Variants in SBF2 observed in about 807,000 individuals in gnomAD.
SBF2 encodes the protein SET binding factor 2, also known as myotubularin-related protein 13.
SBF2 carries 112 observed loss-of-function variants against 225.2 expected under a neutral mutation model. The observed-to-expected ratio is 0.50, with a 90% confidence interval of 0.43 to 0.58. SBF2 has a LOEUF of 0.58. Ranked by LOEUF, SBF2 falls within the 20% of genes least tolerant of loss-of-function variation. The pLI, the probability that SBF2 is intolerant of heterozygous loss-of-function variation, is 0.00. For missense variants in SBF2, 1,996 were observed against 2,206.2 expected (o/e 0.90, Z 1.91); for synonymous variants, 763 against 773.3 (o/e 0.99, Z 0.22).
Position 10,272,229 on chromosome 11 carries a change from G to A in SBF2, c.55+21786C>T, listed in dbSNP as rs1296997781. On this transcript the variant is annotated intron_variant, in intron 1 of 39. Coordinates refer to ENST00000256190, the MANE Select transcript of SBF2 (RefSeq NM_030962.4). ...AACTTGAGCTGCTCTACCAAGAGCT[G>A]CAGGGCGCTCGCGCTAGCCCCGGAG... is the stretch of plus-strand genomic sequence containing the variant. 4.2e-5 allele frequency: 48 copies of A among 1,143,518 alleles called. 15 individuals carry two copies. The highest frequency in any genetic ancestry group is 5.4e-5 in the Non-Finnish European group (44 of 816,508). 70.8% of individuals were successfully genotyped at this position (1,143,518 alleles called of 1,614,324 possible).
At chr11:10,004,275 C>T (rs1189340622) in intron 6 of SBF2, among the ~76,000 whole-genome samples, 1 of 151,882 alleles carries the variant, frequency 6.6e-6, no homozygotes, top group Non-Finnish European at 1.5e-5. Context: ...AGAATAAATG[C>T]TACAAATTTT....
chr11:9,846,140 G>C (rs1344943872), intron 23 of SBF2, among the ~76,000 whole-genome samples: 1 of 152,194 alleles, frequency 6.6e-6, no homozygotes, highest in African/African-American at 2.4e-5. Flanking sequence ...ATCCTAATCA[G>C]TACAGCTAGG....
chr11:9,963,845 A>G lies in SBF2; in HGVS notation c.1638T>C (p.Ser546=), dbSNP rs755834085. ...IMDKVTTVFN[S]AQRLEVVRNC... is the part of the protein sequence containing the mutation. The stretch of plus-strand genomic sequence containing the variant: ...TTCTGACAACTTCTAGTCTTTGTGC[A>G]CTGTTGAAAACTGTCGTCACCTTGT... Residue 546 remains serine, a synonymous_variant, in exon 15 of 40, where the codon AGT becomes AGC. Coordinates refer to ENST00000256190, the MANE Select transcript of SBF2 (RefSeq NM_030962.4). 2 of 1,609,562 alleles carry G rather than the reference A, an allele frequency of 1.2e-6. No individual in the cohort carries two copies. The highest frequency in any genetic ancestry group is 3.3e-5 in the Admixed American group (2 of 59,972).
At chr11:9,791,982 C>T (rs906313490) in intron 33 of SBF2, among the ~76,000 whole-genome samples, 2 of 152,156 alleles carry the variant, frequency 1.3e-5, no homozygotes, top group Non-Finnish European at 1.5e-5. Flanking sequence ...AACATGTACA[C>T]ATATAAGGAA....
chr11:9,788,082 G>A (rs1042933069), intron 35 of SBF2: 11 of 348,638 alleles, frequency 3.2e-5, no homozygotes, highest in African/African-American at 1.3e-4. Context: ...GCACTGGCCC[G>A]TGGCCCAGCC....
At chr11:9,814,837 A>G (rs550289447) in intron 29 of SBF2, among the ~76,000 whole-genome samples, 1 of 152,340 alleles carries the variant, frequency 6.6e-6, no homozygotes, top group Admixed American at 6.5e-5. Context: ...GAGACACTCC[A>G]TTAGGTTGTA....
intron 2 of SBF2, among the ~76,000 whole-genome samples, chr11:10,174,917 C>G (rs1956385333): frequency 1.3e-5 from 2 of 150,768 alleles, no homozygotes; most frequent in South Asian, 4.2e-4. Flanking sequence ...AACTAAACTT[C>G]ATAAGTGAAG....
rs545515050 is a variant in SBF2, at chr11:9,815,317, G to A, written c.3978+1523C>T. On this transcript the variant is annotated intron_variant, in intron 29 of 39. Coordinates refer to ENST00000256190, the MANE Select transcript of SBF2 (RefSeq NM_030962.4). The stretch of plus-strand genomic sequence containing the variant: ...AAAAAAAAAAAAAAAAAAGCTGGGC[G>A]TGGTGACGCGTGCCTGTAATCTCAG... Among the ~76,000 whole-genome samples the A allele has an allele frequency of 1.3e-3, 188 of 148,802 alleles. 1 individual carries two copies. The highest frequency in any genetic ancestry group is 4.4e-3 in the African/African-American group (177 of 40,632).
At chr11:9,966,531 A>G (rs982343430) in intron 14 of SBF2, among the ~76,000 whole-genome samples, 3 of 152,260 alleles carry the variant, frequency 2.0e-5, no homozygotes, top group African/African-American at 7.2e-5. Context: ...AAACTGAAAA[A>G]TAGGGAATTC....
intron 13 of SBF2, among the ~76,000 whole-genome samples, chr11:9,984,303 T>C (rs1469376064): frequency 1.3e-5 from 2 of 151,962 alleles, no homozygotes; most frequent in African/African-American, 4.8e-5. Context: ...GTCCCAGCAA[T>C]AGAACTGAAC....
At chr11:9,882,793 G>GCGAGAC in intron 17 of SBF2, among the ~76,000 whole-genome samples, 1 of 54,096 alleles carries the variant, frequency 1.8e-5, no homozygotes, top group African/African-American at 4.6e-5. Context: ...GGGTGACAGA[G>GCGAGAC]TCAAAAAAAA....
At chr11:10,175,708 C>T (rs1823281857) in intron 2 of SBF2, among the ~76,000 whole-genome samples, 1 of 151,614 alleles carries the variant, frequency 6.6e-6, no homozygotes, top group Admixed American at 6.6e-5. Flanking sequence ...ACAGAATAGA[C>T]ATTTTTTTCA....
chr11:10,172,692 C>T lies in SBF2; in HGVS notation c.141+21210G>A, dbSNP rs540321942. On this transcript the variant is annotated intron_variant, in intron 2 of 39. Coordinates refer to ENST00000256190, the MANE Select transcript of SBF2 (RefSeq NM_030962.4). ...TTTCTTTTCTTTTTTTTTGAGATGG[C>T]GTCTCACTCTGTCGCCCAGGCTGGA... 1.5e-4 allele frequency among the ~76,000 whole-genome samples: 22 copies of T among 151,550 alleles called. 1 individual carries two copies. The South Asian group carries it at 4.2e-3, about 29-fold the overall frequency.
intron 16 of SBF2, among the ~76,000 whole-genome samples, chr11:9,949,913 G>A (rs931796309): frequency 2.6e-5 from 4 of 151,930 alleles, no homozygotes; most frequent in African/African-American, 9.7e-5. Flanking sequence ...ATAATATATT[G>A]AACACATTAA....
chr11:10,074,549 A>G (rs182407508), intron 2 of SBF2, among the ~76,000 whole-genome samples: 4 of 152,284 alleles, frequency 2.6e-5, no homozygotes, highest in East Asian at 1.9e-4. Context: ...TATCTCTCAA[A>G]GTCTGTGATA....
intron 16 of SBF2, among the ~76,000 whole-genome samples, chr11:9,953,897 A>T (rs1428585293): frequency 1.3e-5 from 2 of 152,150 alleles, no homozygotes; most frequent in Non-Finnish European, 2.9e-5. Context: ...GACATAGAAG[A>T]CTTCACTGGG....
chr11:10,174,629 G>A (rs1338309705), intron 2 of SBF2, among the ~76,000 whole-genome samples: 5 of 152,108 alleles, frequency 3.3e-5, no homozygotes, highest in Non-Finnish European at 7.3e-5. Flanking sequence ...TAGCAAGGCA[G>A]GCCAACATTC....
intron 16 of SBF2, among the ~76,000 whole-genome samples, chr11:9,924,346 C>T (rs369980632): frequency 6.6e-6 from 1 of 152,134 alleles, no homozygotes; most frequent in Admixed American, 6.5e-5. Context: ...TGTAGGCTAA[C>T]GTAAGTGTTC....
At chr11:9,837,628 T>C (rs1476846029) in intron 26 of SBF2, among the ~76,000 whole-genome samples, 2 of 152,384 alleles carry the variant, frequency 1.3e-5, no homozygotes, top group East Asian at 1.9e-4. Flanking sequence ...TTGATATTCA[T>C]ATAGTGACAA....
Sources: allele counts gnomAD v4.1 joint callset (sites outside exome capture counted in the v4.1 genomes callset), GRCh38; gene constraint gnomAD v4.1.1; transcripts MANE v1.5; gene names NCBI Gene and HGNC (gene_info 2026-07-23, HGNC 2026-07-21).